Variants in RPTOR observed in about 807,000 individuals in gnomAD.
The protein encoded by RPTOR is regulatory-associated protein of mTOR.
In RPTOR, 21 loss-of-function variants were observed where a neutral mutation model predicts 169.9. The observed-to-expected ratio is 0.12, with a 90% CI of 0.09 to 0.18. The LOEUF (loss-of-function observed/expected upper bound fraction) is 0.18. Among genes scored for constraint, RPTOR ranks in the 10% least tolerant of loss-of-function variants. The probability of loss-of-function intolerance (pLI) is 1.00; values close to 1 mark genes in which losing one functional copy is unlikely to be tolerated. For missense variants in RPTOR, 1,133 were observed against 1,855.9 expected (o/e 0.61, Z 7.16); for synonymous variants, 732 against 753.2 (o/e 0.97, Z 0.46).
intron 1 of RPTOR, among the ~76,000 whole-genome samples, chr17:80,573,079 G>A (rs991617136): frequency 2.6e-5 from 4 of 152,136 alleles, no homozygotes; most frequent in African/African-American, 9.7e-5. Flanking sequence ...GCAGTGCTCT[G>A]TCGTAGGCCA....
At chr17:80,876,528 C>T (rs1292519857) in intron 13 of RPTOR, among the ~76,000 whole-genome samples, 1 of 77,750 alleles carries the variant, frequency 1.3e-5, no homozygotes, top group African/African-American at 7.0e-5. Flanking sequence ...GTGTGTGTGT[C>T]GCCTGCCGTG....
chr17:80,575,933 CT>C (rs969666867), intron 1 of RPTOR, among the ~76,000 whole-genome samples: 1 of 152,044 alleles, frequency 6.6e-6, no homozygotes, highest in African/African-American at 2.4e-5. Context: ...TTGTATCTTC[CT>C]GGTAAATTGG....
At chr17:80,686,059 C>T (rs2065944866) in intron 3 of RPTOR, among the ~76,000 whole-genome samples, 1 of 151,982 alleles carries the variant, frequency 6.6e-6, no homozygotes, top group East Asian at 1.9e-4. Context: ...TTTGAGATTA[C>T]GTGTCTCTAA....
chr17:80,581,288 T>G (rs1212009917), intron 1 of RPTOR, among the ~76,000 whole-genome samples: 2 of 152,270 alleles, frequency 1.3e-5, no homozygotes, highest in Non-Finnish European at 2.9e-5. Flanking sequence ...CCTTGCTTTC[T>G]TTCTTCCTTC....
Position 80,965,339 on chromosome 17 carries a change from G to C in RPTOR, c.*1009G>C, listed in dbSNP as rs1449605267. 2 of 233,194 alleles carry C rather than the reference G, an allele frequency of 8.6e-6. No individual in the cohort carries two copies. The highest frequency in any genetic ancestry group is 1.7e-5 in the Non-Finnish European group (2 of 118,074). 14.4% of individuals were successfully genotyped at this position (233,194 alleles called of 1,614,324 possible). A position where few individuals can be genotyped will look rare whatever the true frequency, so the allele number is the denominator to read the frequency against. The stretch of plus-strand genomic sequence containing the variant: ...ACATACAGGCAAGAGGCACTGCCGG[G>C]TCCCGGACGGCTCCGGGTGACACCA... On this transcript the variant is annotated 3_prime_UTR_variant, in exon 34 of 34. Coordinates refer to ENST00000306801, the MANE Select transcript of RPTOR (RefSeq NM_020761.3).
rs2144095056 is a variant in RPTOR at position 80,959,458 on chromosome 17, T to C, written c.3478-620T>C. Among the ~76,000 whole-genome samples, 1 of 152,264 alleles carries C rather than the reference T, an allele frequency of 6.6e-6. No homozygotes were observed. The highest frequency in any genetic ancestry group is 2.4e-5 in the African/African-American group (1 of 41,564). ...TCTGGCCCCATCATCCCCACGCCTG[T>C]GTTTCCTCCTGGAGTGCACAACCCA... On this transcript the variant is annotated intron_variant, in intron 29 of 33. Transcript: ENST00000306801. This position sits in a 1 kb window ranked among gnomAD's most constrained non-coding sequence, Gnocchi z 6.7.
chr17:80,960,306 G>T lies in RPTOR; in HGVS notation c.3605+101G>T. On this transcript the variant is annotated intron_variant, in intron 30 of 33. Transcript: ENST00000306801. The surrounding 1 kb of genome is among the most constrained non-coding windows in gnomAD (Gnocchi z 4.8). ...TTTGGTTGGGTCCAGGTTTCTCAGTGAGATGCAAAGCTTCCCCAGGAGCCT... is the reference window on the plus strand; with the variant it reads ...TTTGGTTGGGTCCAGGTTTCTCAGTTAGATGCAAAGCTTCCCCAGGAGCCT... 1 of 1,493,078 alleles carries T rather than the reference G, an allele frequency of 6.7e-7. No individual in the cohort carries two copies. The highest frequency in any genetic ancestry group is 1.2e-5 in the South Asian group (1 of 82,612). The allele number at this position is 1,493,078 out of a possible 1,614,324, so 92.5% of individuals were successfully genotyped here.
chr17:80,887,227 T>TG (rs2068258239), intron 17 of RPTOR, among the ~76,000 whole-genome samples: 1 of 127,716 alleles, frequency 7.8e-6, no homozygotes. Flanking sequence ...GTGCTGACTC[T>TG]GGGGGGTGCC....
At chr17:80,742,231 A>G (rs2066488570) in intron 5 of RPTOR, among the ~76,000 whole-genome samples, 1 of 152,068 alleles carries the variant, frequency 6.6e-6, no homozygotes, top group Non-Finnish European at 1.5e-5. Flanking sequence ...CCTGGCAGAG[A>G]GGGAAAAGCT....
In RPTOR at chr17:80,658,465, A is replaced by T. The variant is rs570860168; in HGVS notation, c.348+14655A>T. Among the ~76,000 whole-genome samples the T allele has an allele frequency of 4.6e-5, 7 of 152,230 alleles. No individual in the cohort carries two copies. The South Asian group carries it at 1.5e-3, about 32-fold the overall frequency. ...AACGTCACACTGACTGTAAGTCTTA[A>T]TATTGGTGCTTTGAAAGTTCCCTCC... On this transcript the variant is annotated intron_variant, in intron 3 of 33. Coordinates refer to ENST00000306801, the MANE Select transcript of RPTOR (RefSeq NM_020761.3).
chr17:80,665,336 TCC>T (rs1567845879), intron 3 of RPTOR, among the ~76,000 whole-genome samples: 1,197 of 7,810 alleles, frequency 0.15, 274 homozygotes, highest in African/African-American at 0.5. Context: ...CTTTTCCCTT[TCC>T]TTTCCTTTCC....
At chr17:80,837,832 G>T (rs1276017992) in intron 9 of RPTOR, 90 bp from the exon 10 acceptor site, 3 of 1,247,390 alleles carry the variant, frequency 2.4e-6, no homozygotes, top group Non-Finnish European at 1.2e-6. Context: ...TGCTGCCCAG[G>T]CTCAGCCGGC....
intron 1 of RPTOR, among the ~76,000 whole-genome samples, chr17:80,616,875 A>G (rs558595834): frequency 1.3e-5 from 2 of 152,286 alleles, no homozygotes; most frequent in East Asian, 3.9e-4. Flanking sequence ...TCGATCTCTT[A>G]AGTGTGCCCA....
chr17:80,610,499 G>T (rs2065262382), intron 1 of RPTOR, among the ~76,000 whole-genome samples: 1 of 152,134 alleles, frequency 6.6e-6, no homozygotes, highest in South Asian at 2.1e-4. Flanking sequence ...ATGGTGCAGG[G>T]GGCGTTTATG....
At chr17:80,909,261 A>G (rs925335849) in intron 21 of RPTOR, among the ~76,000 whole-genome samples, 3 of 151,278 alleles carry the variant, frequency 2.0e-5, no homozygotes, top group Non-Finnish European at 4.4e-5. Context: ...TTAATTATTT[A>G]TAAGAGATGG....
At chr17:80,879,574 T>C (rs4430813) in intron 13 of RPTOR, among the ~76,000 whole-genome samples, 2 of 152,014 alleles carry the variant, frequency 1.3e-5, no homozygotes, top group East Asian at 1.9e-4. Flanking sequence ...CTCCAAAAAG[T>C]ACAAGACCCT....
At chr17:80,920,583 G>C (rs538483767) in intron 21 of RPTOR, among the ~76,000 whole-genome samples, 4 of 152,338 alleles carry the variant, frequency 2.6e-5, no homozygotes, top group Non-Finnish European at 2.9e-5. Flanking sequence ...GGCTCCATGC[G>C]GTACTCCCAC....
At chr17:80,850,033 T>A (rs1237758336) in intron 11 of RPTOR, among the ~76,000 whole-genome samples, 2 of 152,184 alleles carry the variant, frequency 1.3e-5, no homozygotes, top group Non-Finnish European at 1.5e-5. Context: ...AAGGTGACAG[T>A]GATATTTATG....
intron 6 of RPTOR, among the ~76,000 whole-genome samples, chr17:80,785,174 G>T (rs1207547750): frequency 6.6e-6 from 1 of 152,132 alleles, no homozygotes; most frequent in Non-Finnish European, 1.5e-5. Context: ...GAGACTTCAC[G>T]TGCCAGCTAA....
Sources: allele counts gnomAD v4.1 joint callset (sites outside exome capture counted in the v4.1 genomes callset), GRCh38; gene constraint gnomAD v4.1.1; non-coding constraint Gnocchi (gnomAD v3.1); transcripts MANE v1.5; gene names NCBI Gene and HGNC (gene_info 2026-07-23, HGNC 2026-07-21).